OPCML: variants seen among roughly 807,000 people sequenced by gnomAD.
OPCML encodes the protein opioid binding protein/cell adhesion molecule like.
OPCML carries 13 observed loss-of-function variants against 37.8 expected under a neutral mutation model. That is an observed-to-expected ratio of 0.34 (90% confidence interval 0.22 to 0.55). OPCML has a LOEUF of 0.55. Among genes scored for constraint, OPCML ranks in the 20% least tolerant of loss-of-function variants. The pLI is 0.91. For missense variants in OPCML, 341 were observed against 435.6 expected, an observed-to-expected ratio of 0.78 and a Z score of 1.93; for synonymous variants, 176 against 168.8, an observed-to-expected ratio of 1.04 and a Z score of -0.33.
chr11:132,498,245 T>C (rs2096237497), intron 4 of OPCML, among the ~76,000 whole-genome samples: 2 of 152,202 alleles, frequency 1.3e-5, no homozygotes, highest in African/African-American at 2.4e-5. Context: ...CAAGGAGAAA[T>C]AAAACTTGAA....
At chr11:132,777,160 A>T (rs1397333685) in intron 2 of OPCML, among the ~76,000 whole-genome samples, 1 of 152,182 alleles carries the variant, frequency 6.6e-6, no homozygotes, top group African/African-American at 2.4e-5. Flanking sequence ...AGAGCATGAC[A>T]TGCAAAGATA....
chr11:133,060,660 T>C (rs988873174), intron 1 of OPCML, among the ~76,000 whole-genome samples: 4 of 152,200 alleles, frequency 2.6e-5, no homozygotes, highest in Non-Finnish European at 4.4e-5. Context: ...AGGCCTCTTA[T>C]TGGGAAGGCA....
intron 1 of OPCML, among the ~76,000 whole-genome samples, chr11:133,082,807 C>T (rs1010757848): frequency 6.7e-6 from 1 of 148,504 alleles, no homozygotes; most frequent in South Asian, 2.1e-4. Context: ...CCTCGCGGCC[C>T]GGGCGGGGCC....
intron 3 of OPCML, among the ~76,000 whole-genome samples, chr11:132,549,629 G>C (rs1342934872): frequency 1.3e-5 from 2 of 152,220 alleles, no homozygotes; most frequent in Non-Finnish European, 2.9e-5. Context: ...AGCCTGTAAA[G>C]TCGAGCTGCA....
intron 1 of OPCML, among the ~76,000 whole-genome samples, chr11:133,386,811 G>A (rs1945064832): frequency 6.6e-6 from 1 of 152,160 alleles, no homozygotes; most frequent in African/African-American, 2.4e-5. Context: ...GGGGCCACTG[G>A]GAGCGAAAAC....
intron 1 of OPCML, among the ~76,000 whole-genome samples, chr11:133,039,038 C>T (rs1022865429): frequency 2.6e-5 from 4 of 152,182 alleles, no homozygotes; most frequent in Non-Finnish European, 2.9e-5. Flanking sequence ...GCCCCCATTC[C>T]CACTTCCTAT....
At chr11:132,515,490 A>G (rs2096277664) in intron 4 of OPCML, among the ~76,000 whole-genome samples, 1 of 152,174 alleles carries the variant, frequency 6.6e-6, no homozygotes, top group Non-Finnish European at 1.5e-5. Context: ...TGTGTGAGTC[A>G]ATCACAGCCT....
chr11:132,968,850 T>C (rs1946275035), intron 1 of OPCML, among the ~76,000 whole-genome samples: 1 of 152,192 alleles, frequency 6.6e-6, no homozygotes, highest in Admixed American at 6.5e-5. Context: ...CCTCCTTCCC[T>C]ATTAATATGC....
At chr11:132,694,728 C>T (rs1014547202) in intron 2 of OPCML, among the ~76,000 whole-genome samples, 3 of 152,120 alleles carry the variant, frequency 2.0e-5, no homozygotes, top group African/African-American at 4.8e-5. Context: ...GAGGTGACCA[C>T]GTGCCTCAAT....
rs560674516 is a variant in OPCML, at chr11:133,366,268, C to T, written c.61+165996G>A. On this transcript the variant is annotated intron_variant, in intron 1 of 7. Coordinates refer to ENST00000524381, the MANE Select transcript of OPCML (RefSeq NM_001012393.5). ...TGTGAGAGTCTGATGATCCCGTGAG[C>T]CCCGCCTGCCAGGTTTATTGAAGGC... 1.7e-4 allele frequency among the ~76,000 whole-genome samples: 26 copies of T among 152,304 alleles called. No individual in the cohort carries two copies. The South Asian group carries it at 5.0e-3, about 29-fold the overall frequency.
intron 1 of OPCML, among the ~76,000 whole-genome samples, chr11:133,187,897 A>G (rs1263693762): frequency 6.6e-6 from 1 of 152,198 alleles, no homozygotes; most frequent in Non-Finnish European, 1.5e-5. Flanking sequence ...AGGATGAAAT[A>G]AACTGTCTCA....
At chr11:132,473,401 A>G (rs1033189150) in intron 4 of OPCML, among the ~76,000 whole-genome samples, 1 of 152,206 alleles carries the variant, frequency 6.6e-6, no homozygotes, top group Admixed American at 6.5e-5. Flanking sequence ...TTCCACAAAT[A>G]TGAAAGAGTG....
At chr11:132,796,373 A>G (rs558841732) in intron 2 of OPCML, among the ~76,000 whole-genome samples, 4 of 152,202 alleles carry the variant, frequency 2.6e-5, no homozygotes, top group Admixed American at 2.0e-4. Flanking sequence ...TTTTGTGTAG[A>G]TATATGTTTT....
intron 4 of OPCML, among the ~76,000 whole-genome samples, chr11:132,450,357 G>A (rs1264458419): frequency 1.3e-5 from 2 of 152,216 alleles, no homozygotes; most frequent in Non-Finnish European, 2.9e-5. Context: ...CTCCAACAGA[G>A]CAGGCCTGGA....
At chr11:132,608,111 C>T (rs1591618134) in intron 3 of OPCML, among the ~76,000 whole-genome samples, 1 of 152,122 alleles carries the variant, frequency 6.6e-6, no homozygotes, top group Non-Finnish European at 1.5e-5. Context: ...ATCACATGTA[C>T]CCCAAAATAT....
intron 2 of OPCML, among the ~76,000 whole-genome samples, chr11:132,837,086 G>A (rs1039590890): frequency 1.3e-5 from 2 of 152,104 alleles, no homozygotes; most frequent in African/African-American, 4.8e-5. Context: ...AGGCCAAGTC[G>A]GGTGGATCAC....
At chr11:132,732,177 T>G (rs764956577) in intron 2 of OPCML, among the ~76,000 whole-genome samples, 1 of 152,162 alleles carries the variant, frequency 6.6e-6, no homozygotes, top group Non-Finnish European at 1.5e-5. Flanking sequence ...TTTTTAAAGT[T>G]CGAACAAGAA....
intron 3 of OPCML, among the ~76,000 whole-genome samples, chr11:132,544,791 T>C (rs565196789): frequency 1.3e-5 from 2 of 152,274 alleles, no homozygotes; most frequent in East Asian, 3.9e-4. Flanking sequence ...CATTTCCCAC[T>C]TGTATAAATC....
chr11:133,498,361 A>G (rs1947829964), intron 1 of OPCML, among the ~76,000 whole-genome samples: 1 of 152,202 alleles, frequency 6.6e-6, no homozygotes, highest in Non-Finnish European at 1.5e-5. Flanking sequence ...TGGAAGGGCC[A>G]GAGACAGAGG....
Sources: gnomAD v4.1 joint callset for allele counts (sites outside exome capture counted in the v4.1 genomes callset) on GRCh38, gnomAD v4.1.1 for gene constraint, MANE v1.5 for transcripts, NCBI Gene and HGNC (gene_info 2026-07-23, HGNC 2026-07-21) for gene names.